FAM151B: variants seen among roughly 807,000 people sequenced by gnomAD.
FAM151B encodes protein FAM151B.
Under a neutral mutation model 31.2 loss-of-function variants are expected in FAM151B, and 24 were observed. That is an observed-to-expected ratio of 0.77 (90% CI 0.56 to 1.08). The LOEUF (loss-of-function observed/expected upper bound fraction) is 1.08, where lower values mean the gene tolerates loss of function less well. Among genes scored for constraint, FAM151B ranks in the 50% least tolerant of loss-of-function variants. FAM151B has a pLI of 0.00. For synonymous variants in FAM151B, 105 were observed against 111.4 expected, an observed-to-expected ratio of 0.94 and a Z score of 0.36; for missense variants, 293 against 328.6, an observed-to-expected ratio of 0.89 and a Z score of 0.84.
chr5:80,525,544 C>T (rs952013483), intron 5 of FAM151B, among the ~76,000 whole-genome samples: 1 of 152,140 alleles, frequency 6.6e-6, no homozygotes. Context: ...GTATATCTGT[C>T]TCCAAACAGT....
chr5:80,527,464 T>C (rs1460116360), intron 5 of FAM151B, among the ~76,000 whole-genome samples: 9 of 152,096 alleles, frequency 5.9e-5, no homozygotes, highest in Non-Finnish European at 1.3e-4. Flanking sequence ...ATTTTGTCAT[T>C]GTGTGAACAT....
At chr5:80,496,325 C>T (rs1170354281) in intron 1 of FAM151B, among the ~76,000 whole-genome samples, 4 of 152,184 alleles carry the variant, frequency 2.6e-5, no homozygotes, top group Non-Finnish European at 4.4e-5. Flanking sequence ...TTACAGCTAG[C>T]GGAAGGCTCA....
At chr5:80,508,202 T>G (rs2112618019) in intron 2 of FAM151B, among the ~76,000 whole-genome samples, 1 of 152,324 alleles carries the variant, frequency 6.6e-6, no homozygotes, top group Admixed American at 6.5e-5. Flanking sequence ...TGTTTCCCTT[T>G]TTTGCTACTA....
intron 1 of FAM151B, among the ~76,000 whole-genome samples, chr5:80,494,645 T>C (rs374001377): frequency 9.9e-5 from 15 of 152,068 alleles, no homozygotes; most frequent in African/African-American, 3.4e-4. Context: ...CCCAAGTAGC[T>C]GGAACTATAG....
intron 2 of FAM151B, among the ~76,000 whole-genome samples, chr5:80,507,610 G>A (rs922789946): frequency 5.9e-5 from 9 of 152,152 alleles, no homozygotes; most frequent in Non-Finnish European, 1.3e-4. Context: ...GAACCCAGGA[G>A]ACAGAGGCTG....
chr5:80,509,840 A>G (rs1408797420), intron 2 of FAM151B, among the ~76,000 whole-genome samples: 2 of 152,230 alleles, frequency 1.3e-5, no homozygotes, highest in Admixed American at 1.3e-4. Context: ...ACACAGGTTC[A>G]CTGGGTATCC....
intron 2 of FAM151B, among the ~76,000 whole-genome samples, chr5:80,505,372 C>T (rs1387406369): frequency 6.6e-6 from 1 of 150,812 alleles, no homozygotes; most frequent in Non-Finnish European, 1.5e-5. Context: ...AGAAGAGAGA[C>T]ATAGCAAACA....
intron 1 of FAM151B, chr5:80,500,941 A>C: frequency 1.4e-6 from 1 of 732,698 alleles, no homozygotes; most frequent in South Asian, 1.4e-5. Context: ...CAAAGAAGCA[A>C]ATAACTTGCT....
At chr5:80,518,934 A>G (rs993903227) in intron 3 of FAM151B, 1 of 152,122 alleles carries the variant, frequency 6.6e-6, no homozygotes, top group Non-Finnish European at 1.5e-5. Context: ...CTACAAGGTA[A>G]TTTTCTTATA....
chr5:80,524,481 C>T (rs1252186461), intron 5 of FAM151B, among the ~76,000 whole-genome samples: 2 of 151,970 alleles, frequency 1.3e-5, no homozygotes, highest in Non-Finnish European at 2.9e-5. Flanking sequence ...TTTAAAGATA[C>T]CTACTTACTC....
chr5:80,515,236 G>A (rs1042599398), intron 3 of FAM151B, among the ~76,000 whole-genome samples: 1 of 149,708 alleles, frequency 6.7e-6, no homozygotes, highest in Non-Finnish European at 1.5e-5. Context: ...GCAAAACTCT[G>A]TCTCAAAAAA....
intron 5 of FAM151B, among the ~76,000 whole-genome samples, chr5:80,525,527 G>C (rs187521813): frequency 6.6e-6 from 1 of 152,252 alleles, no homozygotes; most frequent in East Asian, 1.9e-4. Context: ...AAACAGGAGA[G>C]AAGTTTGTAT....
intron 4 of FAM151B, 65 bp from the exon 5 acceptor site, chr5:80,521,938 T>C: frequency 8.3e-7 from 1 of 1,209,688 alleles, no homozygotes. Context: ...GGTAATTTAG[T>C]CTTTTATTTA....
chr5:80,540,516 C>T (rs111856705), intron 5 of FAM151B, among the ~76,000 whole-genome samples: 19 of 151,878 alleles, frequency 1.3e-4, no homozygotes, highest in African/African-American at 4.3e-4. Context: ...TTTTTCCATC[C>T]ATTTCCTCAG....
At chr5:80,533,475 G>A (rs1475749995) in intron 5 of FAM151B, among the ~76,000 whole-genome samples, 1 of 151,810 alleles carries the variant, frequency 6.6e-6, no homozygotes, top group Non-Finnish European at 1.5e-5. Flanking sequence ...CAGGCCGAGC[G>A]AGCACAGTGT....
intron 3 of FAM151B, among the ~76,000 whole-genome samples, chr5:80,514,091 G>C (rs112961040): frequency 6.6e-6 from 1 of 152,190 alleles, no homozygotes; most frequent in African/African-American, 2.4e-5. Context: ...CATTGAGCTA[G>C]TTAATGCATA....
At position 80,522,210 on chromosome 5, in the gene FAM151B, A is replaced by G. The variant is rs559426004; in HGVS notation, c.671+72A>G. 3 of 1,474,194 alleles carry G rather than the reference A, an allele frequency of 2.0e-6. No homozygotes were observed. In the Admixed American group the frequency reaches 5.2e-5, roughly 25 times the overall value. 91.3% of individuals were successfully genotyped at this position (1,474,194 alleles called of 1,614,324 possible). A position where few individuals can be genotyped will look rare whatever the true frequency, so the allele number is the denominator to read the frequency against. ...AGAGATAGAAAGGGCATGAAAATTG[A>G]TTATTTAAAGACAGTGTGTGTGAGA... is the stretch of plus-strand genomic sequence containing the variant. On this transcript the variant is annotated intron_variant, in intron 5 of 5. Transcript: ENST00000282226.
At chr5:80,496,693 T>C (rs913437226) in intron 1 of FAM151B, among the ~76,000 whole-genome samples, 3 of 151,696 alleles carry the variant, frequency 2.0e-5, no homozygotes, top group Non-Finnish European at 4.4e-5. Context: ...ATGTTAAAAA[T>C]TGGGGAGCTT....
chr5:80,516,749 C>T (rs545236486), intron 3 of FAM151B, among the ~76,000 whole-genome samples: 5 of 152,220 alleles, frequency 3.3e-5, no homozygotes, highest in African/African-American at 1.2e-4. Flanking sequence ...AAATTAGAAT[C>T]ACATGGAATT....
Sources: gnomAD v4.1 joint callset for allele counts (sites outside exome capture counted in the v4.1 genomes callset) on GRCh38, gnomAD v4.1.1 for gene constraint, MANE v1.5 for transcripts, NCBI Gene and HGNC (gene_info 2026-07-23, HGNC 2026-07-21) for gene names.